Variants in NEU1 observed in about 807,000 individuals in gnomAD.
NEU1 encodes the protein neuraminidase 1.
A neutral mutation model predicts 38.3 loss-of-function variants in NEU1; 32 were observed. That is an observed-to-expected ratio of 0.84 (90% CI 0.63 to 1.12). The LOEUF is 1.12. Among genes scored for constraint, NEU1 ranks in the 50% most tolerant of loss-of-function variants. The pLI, the probability that NEU1 is intolerant of heterozygous loss-of-function variation, is 0.00. For missense variants in NEU1, 431 were observed against 549.2 expected (o/e 0.78, Z 2.15); for synonymous variants, 192 against 225.2 (o/e 0.85, Z 1.32).
At chr6:31,861,777 A>T in intron 2 of NEU1, 1 of 647,366 alleles carries the variant, frequency 1.5e-6, no homozygotes, top group Non-Finnish European at 2.7e-6. Flanking sequence ...TGGTATAGGT[A>T]TATAGTACCC....
At position 31,861,236 on chromosome 6, in the gene NEU1, C is replaced by G; in HGVS notation, c.567G>C (p.Leu189=). 6.2e-7 allele frequency: 1 copy of G among 1,612,786 alleles called. No individual in the cohort carries two copies. The highest frequency in any genetic ancestry group is 8.5e-7 in the Non-Finnish European group (1 of 1,180,030). The change falls in exon 3 of 6, where the codon CTG becomes CTC. Residue 189 remains leucine, a synonymous_variant. Transcript: ENST00000375631. The part of the protein sequence containing the change: ...VSWSTPRNLS[L]DIGTEVFAPG... ...GGGCAAACACTTCAGTGCCAATATC[C>G]AGGGAGAGATTCCGGGGTGTGCTCC...
In NEU1 at chr6:31,858,364, C is replaced by A. The variant is rs1762376245; in HGVS notation, c.*1355G>T. ...ATGGCTCATGCTTGTAATCACAACA[C>A]TTTGGGAGGCCGAGGCGGGTGGATC... On this transcript the variant is annotated 3_prime_UTR_variant, in exon 6 of 6. Coordinates refer to ENST00000375631, the MANE Select transcript of NEU1 (RefSeq NM_000434.4). 6.6e-6 allele frequency: 1 copy of A among 151,980 alleles called. No individual in the cohort carries two copies. The allele number at this position is 151,980 out of a possible 1,614,324, so 9.4% of individuals were successfully genotyped here.
rs1036918411 is a variant in NEU1 at position 31,861,282 on chromosome 6, C to T, written c.521G>A (p.Ser174Asn). 8 of 1,612,918 alleles carry T rather than the reference C, an allele frequency of 5.0e-6. No individual in the cohort carries two copies. The highest frequency in any genetic ancestry group is 1.6e-4 in the Middle Eastern group (1 of 6,068). ...CQVASTMLVW[S>N]KDDGVSWSTP... ...GCTCCAGGAAACACCATCATCCTTG[C>T]TCCATACCAACATGGTAGAGGCCAC... Residue 174 changes from serine (S) to asparagine (N), a missense_variant, in exon 3 of 6, where the codon AGC becomes AAC. Transcript: ENST00000375631.
chr6:31,861,713 A>G (rs1762522210), intron 2 of NEU1: 1 of 622,248 alleles, frequency 1.6e-6, no homozygotes, highest in Non-Finnish European at 2.8e-6. Context: ...CTGAGGGCAG[A>G]GATTTTTGAT....
At position 31,861,546 on chromosome 6, in the gene NEU1, A is replaced by G. The variant is rs564238683; in HGVS notation, c.353-96T>C. On this transcript the variant is annotated intron_variant, in intron 2 of 5. Transcript: ENST00000375631. ...TTTCCCACCTTCTGCTAGGGACCTC[A>G]GGCCTTCCGATGGTCCCAGGGTGCA... The G allele has an allele frequency of 1.0e-3, 1,534 of 1,509,124 alleles. 3 individuals are homozygous for G. The highest frequency in any genetic ancestry group is 2.5e-3 in the Middle Eastern group (15 of 5,884). The allele number at this position is 1,509,124 out of a possible 1,614,324, so 93.5% of individuals were successfully genotyped here. A position where few individuals can be genotyped will look rare whatever the true frequency, so the allele number is the denominator to read the frequency against.
Position 31,862,520 on chromosome 6 carries a change from T to C in NEU1, c.159+98A>G. ...GGGTCTGGGAGAAAGAAAAGGGTCC[T>C]GTCGCGGAAAGTCGGCTCAGCCGCC... On this transcript the variant is annotated intron_variant, in intron 1 of 5. Coordinates refer to ENST00000375631, the MANE Select transcript of NEU1 (RefSeq NM_000434.4). The surrounding 1 kb of genome is among the most constrained non-coding windows in gnomAD (Gnocchi z 6.3). 1 of 1,547,340 alleles carries C rather than the reference T, an allele frequency of 6.5e-7. No homozygotes were observed.
chr6:31,862,118 C>A lies in NEU1; in HGVS notation c.233G>T (p.Arg78Leu). Residue 78 changes from arginine to leucine, a missense_variant, in exon 2 of 6, where the codon CGC becomes CTC. Transcript: ENST00000375631. This position sits in a 1 kb window ranked among gnomAD's most constrained non-coding sequence, Gnocchi z 6.3. ...CGGAGTGGCTGTGATGAGCGGGATGCGGAAGGTGTCCACTGAGCCGATCTG... is the reference window on the plus strand; with the variant it reads ...CGGAGTGGCTGTGATGAGCGGGATGAGGAAGGTGTCCACTGAGCCGATCTG... ...GRQIGSVDTF[R>L]IPLITATPRG... 1 of 1,613,080 alleles carries A rather than the reference C, an allele frequency of 6.2e-7. No homozygotes were observed. The highest frequency in any genetic ancestry group is 8.5e-7 in the Non-Finnish European group (1 of 1,180,034).
intron 2 of NEU1, 28 bp downstream of exon 2, chr6:31,861,971 C>T (rs1047669681): frequency 6.2e-6 from 10 of 1,611,828 alleles, no homozygotes; most frequent in Non-Finnish European, 8.5e-6. Context: ...AACCTAGCAC[C>T]GGCTCTTTCA....
In NEU1 at chr6:31,861,021, T is replaced by G. The variant is rs925265000; in HGVS notation, c.615+167A>C. On this transcript the variant is annotated intron_variant, in intron 3 of 5. Coordinates refer to ENST00000375631, the MANE Select transcript of NEU1 (RefSeq NM_000434.4). The stretch of plus-strand genomic sequence containing the variant: ...GGAAGCCAATGGCAGAGTTCCCTCT[T>G]CTCCTGATAATGTGTTCCTACCAGG... 6.6e-6 allele frequency: 6 copies of G among 909,516 alleles called. No homozygotes were observed. The African/African-American group carries it at 1.0e-4, about 15-fold the overall frequency. The allele number at this position is 909,516 out of a possible 1,614,324, so 56.3% of individuals were successfully genotyped here.
At chr6:31,861,522 T>C in intron 2 of NEU1, 72 bp from the exon 3 acceptor site, 5 of 1,602,288 alleles carry the variant, frequency 3.1e-6, no homozygotes, top group Non-Finnish European at 4.3e-6. Flanking sequence ...TCCCGTTAAT[T>C]TCCCACCTTC....
Position 31,860,046 on chromosome 6 carries a change from C to A in NEU1, c.1017G>T (p.Glu339Asp). The change falls in exon 5 of 6, where the codon GAG (glutamate) becomes GAT (aspartate). Residue 339 changes from glutamate to aspartate, a missense_variant. Glu to Asp is a conservative substitution (Grantham distance 45, BLOSUM62 2). Transcript: ENST00000375631. This position sits in a 1 kb window ranked among gnomAD's most constrained non-coding sequence, Gnocchi z 4.8. ...CCCCACCCATGAGGCACTCACGGAA[C>A]TCTGGATGTGCTGGGTTGGAGAAGA... Reference protein sequence around the residue: ...IVFFSNPAHPEFRVNLTLRWS... With the variant: ...IVFFSNPAHPDFRVNLTLRWS... The A allele has an allele frequency of 6.2e-7, 1 of 1,612,946 alleles. No homozygotes were observed. Among genetic ancestry groups the A allele is most frequent in the South Asian group, 1.1e-5 (1 of 91,076 alleles).
In NEU1 at chr6:31,859,953, G is replaced by A. The variant is rs757037281; in HGVS notation, c.1022-8C>T. ...GCAGGGTCAGGTTCACTCCTGGGGAGAGCAGGAGAGTCAGGGAGAGAGGGT... is the reference window on the plus strand; with the variant it reads ...GCAGGGTCAGGTTCACTCCTGGGGAAAGCAGGAGAGTCAGGGAGAGAGGGT... On this transcript the variant is annotated splice_region_variant and splice_polypyrimidine_tract_variant and intron_variant, in intron 5 of 5. Transcript: ENST00000375631. 1 of 1,612,714 alleles carries A rather than the reference G, an allele frequency of 6.2e-7. No individual in the cohort carries two copies. Among genetic ancestry groups the A allele is most frequent in the Non-Finnish European group, 8.5e-7 (1 of 1,179,854 alleles).
At position 31,860,655 on chromosome 6, in the gene NEU1, G is replaced by T; in HGVS notation, c.616-34C>A. On this transcript the variant is annotated intron_variant, in intron 3 of 5. Coordinates refer to ENST00000375631, the MANE Select transcript of NEU1 (RefSeq NM_000434.4). This position sits in a 1 kb window ranked among gnomAD's most constrained non-coding sequence, Gnocchi z 4.8. Reference sequence around the variant, plus strand: ...AAGGGAACTGGGTGTCACAGAAGGAGACTCTAGGGGCTCAGAGGCAGGGAC... The same window carrying T: ...AAGGGAACTGGGTGTCACAGAAGGATACTCTAGGGGCTCAGAGGCAGGGAC... 1 of 1,611,166 alleles carries T rather than the reference G, an allele frequency of 6.2e-7. No homozygotes were observed. The highest frequency in any genetic ancestry group is 8.5e-7 in the Non-Finnish European group (1 of 1,179,080).
rs1292121219 is a variant in NEU1, at chr6:31,858,703, A to G, written c.*1016T>C. On this transcript the variant is annotated 3_prime_UTR_variant, in exon 6 of 6. Transcript: ENST00000375631. ...ATACTCATTACACCTGTGAAGATCA[A>G]CCTGTTTCTCGGTGATAAGAAGGAA... The G allele has an allele frequency of 1.3e-5, 2 of 151,370 alleles. No individual in the cohort carries two copies. The highest frequency in any genetic ancestry group is 2.4e-5 in the African/African-American group (1 of 41,182). 9.4% of individuals were successfully genotyped at this position (151,370 alleles called of 1,614,324 possible).
chr6:31,861,619 C>T (rs969416640), intron 2 of NEU1, 169 bp from the exon 3 acceptor site: 35 of 794,964 alleles, frequency 4.4e-5, no homozygotes, highest in Non-Finnish European at 6.8e-5. Context: ...TTATTTTTCT[C>T]CATTGCATTT....
chr6:31,862,817 CAG>C lies in NEU1; in HGVS notation c.-43_-42del. ...CCGCGACCCTGGCAGCTAGACTCCA[CAG>C]AGTCGGGAGTCAGCTGACCCGGACC... On this transcript the variant is annotated 5_prime_UTR_variant, in exon 1 of 6. Coordinates refer to ENST00000375631, the MANE Select transcript of NEU1 (RefSeq NM_000434.4). The surrounding 1 kb of genome is among the most constrained non-coding windows in gnomAD (Gnocchi z 6.3). The C allele has an allele frequency of 6.2e-7, 1 of 1,610,574 alleles. No homozygotes were observed. The highest frequency in any genetic ancestry group is 1.7e-4 in the Middle Eastern group (1 of 5,986).
intron 2 of NEU1, 73 bp downstream of exon 2, chr6:31,861,926 A>G: frequency 6.5e-7 from 1 of 1,542,306 alleles, no homozygotes; most frequent in Non-Finnish European, 8.9e-7. Flanking sequence ...CCCTATCCTC[A>G]GGGCCCTTGG....
chr6:31,859,947 T>TG lies in NEU1; in HGVS notation c.1022-3dup. 1 of 1,613,046 alleles carries TG rather than the reference T, an allele frequency of 6.2e-7. No homozygotes were observed. The highest frequency in any genetic ancestry group is 8.5e-7 in the Non-Finnish European group (1 of 1,180,022). On this transcript the variant is annotated splice_region_variant and splice_polypyrimidine_tract_variant and intron_variant, in intron 5 of 5. Transcript: ENST00000375631. ...TCCATCGCAGGGTCAGGTTCACTCC[T>TG]GGGGAGAGCAGGAGAGTCAGGGAGA...
chr6:31,861,657 A>G (rs1474845501), intron 2 of NEU1: 2 of 652,982 alleles, frequency 3.1e-6, no homozygotes, highest in East Asian at 5.4e-5. Context: ...AAAAAAGTTT[A>G]CTTGTTTATT....
Sources: gnomAD v4.1 joint callset for allele counts on GRCh38, gnomAD v4.1.1 for gene constraint, Gnocchi (gnomAD v3.1) non-coding constraint, MANE v1.5 for transcripts, NCBI Gene and HGNC (gene_info 2026-07-23, HGNC 2026-07-21) for gene names.